The following PTPRZ1 variants were observed in gnomAD, a reference collection of about 807,000 sequenced individuals.
PTPRZ1 encodes receptor-type tyrosine-protein phosphatase zeta.
Under a neutral mutation model 214.1 loss-of-function variants are expected in PTPRZ1, and 82 were observed. The observed-to-expected ratio is 0.38, with a 90% confidence interval of 0.32 to 0.46. The LOEUF (loss-of-function observed/expected upper bound fraction) is 0.46, where lower values mean the gene tolerates loss of function less well. PTPRZ1 is among the 20% of genes least tolerant of loss of function. PTPRZ1 has a pLI of 1.00. For missense variants in PTPRZ1, 2,603 were observed against 2,748.7 expected, an observed-to-expected ratio of 0.95 and a Z score of 1.19; for synonymous variants, 945 against 987.9, an observed-to-expected ratio of 0.96 and a Z score of 0.81.
chr7:122,057,869 G>A (rs979936657), intron 27 of PTPRZ1, among the ~76,000 whole-genome samples: 146 of 150,892 alleles, frequency 9.7e-4, no homozygotes, highest in African/African-American at 3.2e-3. Context: ...ACAAGGGTTC[G>A]GTTTCATTAT....
At chr7:122,054,104 A>C in intron 26 of PTPRZ1, 66 bp downstream of exon 26, 2 of 1,544,660 alleles carry the variant, frequency 1.3e-6, no homozygotes, top group Non-Finnish European at 1.8e-6. Flanking sequence ...AACAGCAAAA[A>C]GTCCAGCATA....
At chr7:122,023,845 A>AT (rs1158015161) in intron 13 of PTPRZ1, among the ~76,000 whole-genome samples, 1 of 76,850 alleles carries the variant, frequency 1.3e-5, no homozygotes, top group African/African-American at 1.1e-4. Flanking sequence ...ATAATTATAT[A>AT]TATATAAAAA....
chr7:121,955,353 C>T (rs901647913), intron 2 of PTPRZ1, among the ~76,000 whole-genome samples: 2 of 152,134 alleles, frequency 1.3e-5, no homozygotes, highest in African/African-American at 4.8e-5. Context: ...TATGATGACC[C>T]TAAGGCAACT....
At chr7:121,939,086 C>A (rs183830414) in intron 2 of PTPRZ1, among the ~76,000 whole-genome samples, 15 of 152,156 alleles carry the variant, frequency 9.9e-5, no homozygotes, top group Non-Finnish European at 1.5e-4. Flanking sequence ...TATTTCCAGT[C>A]TCATGGGGAA....
At chr7:121,962,429 T>C (rs1584686875) in intron 2 of PTPRZ1, among the ~76,000 whole-genome samples, 2 of 146,800 alleles carry the variant, frequency 1.4e-5, no homozygotes, top group South Asian at 4.5e-4. Context: ...GCCTGGGCAA[T>C]AGAGAGATGC....
chr7:121,951,958 TA>T lies in PTPRZ1; in HGVS notation c.125-15992del, dbSNP rs1563033754. 1.2e-3 allele frequency among the ~76,000 whole-genome samples: 74 copies of T among 62,882 alleles called. 5 individuals carry two copies. Among genetic ancestry groups the T allele is most frequent in the East Asian group, 5.4e-3 (12 of 2,202 alleles). The allele number at this position is 62,882 out of a possible 152,430, so 41.3% of individuals were successfully genotyped here. On this transcript the variant is annotated intron_variant, in intron 2 of 29. Coordinates refer to ENST00000393386, the MANE Select transcript of PTPRZ1 (RefSeq NM_002851.3). ...TTAAATCCATGCGAGTGTATTTATT[TA>T]TTTATTTTTTTTTTTTTGAGACGGA...
At chr7:122,037,631 T>G (rs1477672720) in intron 18 of PTPRZ1, among the ~76,000 whole-genome samples, 2 of 152,122 alleles carry the variant, frequency 1.3e-5, no homozygotes, top group Admixed American at 1.3e-4. Flanking sequence ...TTCAAATAAA[T>G]GAGTACATAA....
intron 18 of PTPRZ1, among the ~76,000 whole-genome samples, chr7:122,037,459 G>C (rs181112285): frequency 3.3e-5 from 5 of 152,242 alleles, no homozygotes; most frequent in Admixed American, 3.3e-4. Context: ...AGGATACCCA[G>C]CTTTGTGGAA....
At chr7:122,037,869 C>T (rs1050491691) in intron 18 of PTPRZ1, among the ~76,000 whole-genome samples, 4 of 152,142 alleles carry the variant, frequency 2.6e-5, no homozygotes, top group African/African-American at 4.8e-5. Context: ...TTAAGGTTCA[C>T]GTTCTGTATT....
rs35947407 is a variant in PTPRZ1 at position 122,013,320 on chromosome 7, GTGA to G, written c.4290_4292del (p.Asp1431del). 0.41 allele frequency: 656,278 copies of G among 1,608,164 alleles called. 135,743 individuals are homozygous for G. Among genetic ancestry groups the G allele is most frequent in the African/African-American group, 0.54 (39,942 of 74,622 alleles). On this transcript the variant is annotated inframe_deletion, in exon 12 of 30. Transcript: ENST00000393386. Reference sequence around the variant, plus strand: ...GAAGATGGTGACACTGATGATGATGGTGATGATGATGATGATGACAGAGGTAGT... The same window carrying G: ...GAAGATGGTGACACTGATGATGATGGTGATGATGATGATGACAGAGGTAGT...
intron 18 of PTPRZ1, among the ~76,000 whole-genome samples, chr7:122,037,715 G>A (rs1405426752): frequency 6.6e-6 from 1 of 152,190 alleles, no homozygotes; most frequent in Admixed American, 6.5e-5. Context: ...GAATGAACAT[G>A]AGATCTGGAG....
rs141700542 is a variant in PTPRZ1, at chr7:122,009,174, A to G, written c.1288-1160A>G. ...TATGCTTCAGAAGATACTCACGACCAGCCAAATAATTAAGCTGTAAATAAT... is the reference window on the plus strand; with the variant it reads ...TATGCTTCAGAAGATACTCACGACCGGCCAAATAATTAAGCTGTAAATAAT... On this transcript the variant is annotated intron_variant, in intron 11 of 29. Transcript: ENST00000393386. 2.0e-5 allele frequency among the ~76,000 whole-genome samples: 3 copies of G among 152,216 alleles called. No individual in the cohort carries two copies. The East Asian group carries it at 5.8e-4, about 29-fold the overall frequency.
At chr7:121,910,514 G>A (rs529898504) in intron 1 of PTPRZ1, among the ~76,000 whole-genome samples, 61 of 152,148 alleles carry the variant, frequency 4.0e-4, no homozygotes, top group African/African-American at 1.4e-3. Flanking sequence ...CATATATATG[G>A]AACACTTTTT....
At chr7:121,881,164 C>T (rs1794226856) in intron 1 of PTPRZ1, among the ~76,000 whole-genome samples, 1 of 152,116 alleles carries the variant, frequency 6.6e-6, no homozygotes, top group African/African-American at 2.4e-5. Context: ...AGAAAAAGAC[C>T]AGAATCCTCT....
At chr7:122,036,779 T>C in intron 18 of PTPRZ1, 97 bp downstream of exon 18, 1 of 733,954 alleles carries the variant, frequency 1.4e-6, no homozygotes, top group Non-Finnish European at 2.2e-6. Context: ...GTGCTTAATG[T>C]CATGTTATTC....
intron 1 of PTPRZ1, among the ~76,000 whole-genome samples, chr7:121,894,286 A>G (rs545920287): frequency 6.6e-6 from 1 of 152,314 alleles, no homozygotes; most frequent in African/African-American, 2.4e-5. Flanking sequence ...TACACCACTA[A>G]CTAATACATT....
chr7:121,884,605 T>C (rs1794343570), intron 1 of PTPRZ1, among the ~76,000 whole-genome samples: 1 of 152,272 alleles, frequency 6.6e-6, no homozygotes, highest in Non-Finnish European at 1.5e-5. Context: ...CTCCAAAGGG[T>C]TTGGGCCCAG....
intron 1 of PTPRZ1, among the ~76,000 whole-genome samples, chr7:121,904,453 T>C (rs1195620221): frequency 1.3e-5 from 2 of 152,162 alleles, no homozygotes; most frequent in African/African-American, 2.4e-5. Flanking sequence ...CCCAAAGATA[T>C]TCACCTTGTG....
chr7:121,886,911 G>A (rs118139146), intron 1 of PTPRZ1, among the ~76,000 whole-genome samples: 693 of 152,080 alleles, frequency 4.6e-3, no homozygotes, highest in South Asian at 9.8e-3. Flanking sequence ...CTCTTACCAG[G>A]GCATGCAAAG....
Sources: gnomAD v4.1 joint callset for allele counts (sites outside exome capture counted in the v4.1 genomes callset) on GRCh38, gnomAD v4.1.1 for gene constraint, MANE v1.5 for transcripts, NCBI Gene and HGNC (gene_info 2026-07-23, HGNC 2026-07-21) for gene names.